The following NUP155 variants were observed in gnomAD, a reference collection of about 807,000 sequenced individuals.
NUP155 encodes nucleoporin 155.
In NUP155, 71 loss-of-function variants were observed where a neutral mutation model predicts 180.4. The observed-to-expected ratio is 0.39, with a 90% confidence interval of 0.33 to 0.48. The LOEUF is 0.48. NUP155 is among the 20% of genes least tolerant of loss of function. The probability of loss-of-function intolerance (pLI) is 0.91; values close to 1 mark genes in which losing one functional copy is unlikely to be tolerated. For missense variants in NUP155, 1,553 were observed against 1,648.9 expected (o/e 0.94, Z 1.01); for synonymous variants, 582 against 559.5 (o/e 1.04, Z -0.57).
Position 37,351,236 on chromosome 5 carries a change from A to G in NUP155, c.677T>C (p.Ile226Thr). 2 of 1,613,996 alleles carry G rather than the reference A, an allele frequency of 1.2e-6. No homozygotes were observed. Among genetic ancestry groups the G allele is most frequent in the Non-Finnish European group, 1.7e-6 (2 of 1,179,934 alleles). ...ACAGCCATCCTTTCCAGCCAAGAAAATTCTGCCATTATCAGTGGAAGTTAT... is the reference window on the plus strand; with the variant it reads ...ACAGCCATCCTTTCCAGCCAAGAAAGTTCTGCCATTATCAGTGGAAGTTAT... ...LTITSTDNGR[I>T]FLAGKDGCLY... is the part of the protein sequence containing the mutation. Residue 226 changes from isoleucine to threonine, a missense_variant, in exon 6 of 35, where the codon ATT (isoleucine) becomes ACT (threonine). By Grantham distance (89) the Ile-to-Thr change is moderately conservative. Coordinates refer to ENST00000231498, the MANE Select transcript of NUP155 (RefSeq NM_153485.3).
In NUP155 at chr5:37,303,369, C is replaced by T; in HGVS notation, c.3208G>A (p.Val1070Ile). The change falls in exon 28 of 35, where the codon GTT (valine) becomes ATT (isoleucine). Residue 1070 changes from valine (V) to isoleucine (I), a missense_variant. Coordinates refer to ENST00000231498, the MANE Select transcript of NUP155 (RefSeq NM_153485.3). ...LEPHLVRMAK[V>I]DQNRVRYMDL... is the part of the protein sequence containing the mutation. ...ATATAACGAACTCTGTTTTGATCAACTTTGGCCATTCGGACTAGATGTGGC... is the reference window on the plus strand; with the variant it reads ...ATATAACGAACTCTGTTTTGATCAATTTTGGCCATTCGGACTAGATGTGGC... 1 of 1,614,122 alleles carries T rather than the reference C, an allele frequency of 6.2e-7. No individual in the cohort carries two copies. The highest frequency in any genetic ancestry group is 8.5e-7 in the Non-Finnish European group (1 of 1,179,982).
In NUP155 at chr5:37,327,753, T is replaced by G. The variant is rs769808577; in HGVS notation, c.1900A>C (p.Thr634Pro). The change falls in exon 18 of 35, where the codon ACT becomes CCT. Residue 634 changes from threonine to proline, a missense_variant. Physicochemically the swap from Thr to Pro is conservative, Grantham distance 38. Transcript: ENST00000231498. The part of the protein sequence containing the change: ...SHGIQPPAMS[T>P]PVCALGNPAT... ...GGGTTTCCCAGAGCACACACTGGAGTTGACATGGCAGGAGGCTGTATACCT... is the reference window on the plus strand; with the variant it reads ...GGGTTTCCCAGAGCACACACTGGAGGTGACATGGCAGGAGGCTGTATACCT... 1.9e-6 allele frequency: 3 copies of G among 1,613,914 alleles called. No homozygotes were observed. The highest frequency in any genetic ancestry group is 2.5e-6 in the Non-Finnish European group (3 of 1,180,004).
rs547462799 is a variant in NUP155, at chr5:37,326,477, T to C, written c.2025-510A>G. On this transcript the variant is annotated intron_variant, in intron 18 of 34. Transcript: ENST00000231498. ...CTGAGTTGGCCCTGTGACTTCCCTC[T>C]GGCCAAGTGAATAAGGCGGAAAAGT... Among the ~76,000 whole-genome samples the C allele has an allele frequency of 3.3e-5, 5 of 152,326 alleles. No individual in the cohort carries two copies. The South Asian group carries it at 1.0e-3, about 32-fold the overall frequency.
chr5:37,295,850 G>GC (rs1244669188), intron 32 of NUP155, among the ~76,000 whole-genome samples: 1 of 150,254 alleles, frequency 6.7e-6, no homozygotes, highest in African/African-American at 2.5e-5. Flanking sequence ...CCTCCGCCCG[G>GC]CAGCCACCCC....
At chr5:37,296,779 A>G (rs898730660) in intron 32 of NUP155, among the ~76,000 whole-genome samples, 5 of 152,242 alleles carry the variant, frequency 3.3e-5, no homozygotes, top group African/African-American at 1.2e-4. Context: ...CAGAAATATT[A>G]AATGTGTTTT....
At chr5:37,324,447 AC>A (rs1744450353) in intron 19 of NUP155, among the ~76,000 whole-genome samples, 2 of 152,066 alleles carry the variant, frequency 1.3e-5, no homozygotes, top group African/African-American at 2.4e-5. Context: ...TGAGGTAACT[AC>A]TTTTCTTACT....
At chr5:37,337,045 C>T (rs125682) in intron 12 of NUP155, among the ~76,000 whole-genome samples, 77,425 of 151,914 alleles carry the variant, frequency 0.51, 22,530 homozygotes, top group African/African-American at 0.81. Flanking sequence ...CAGGACTATT[C>T]AGGAGGACAG....
chr5:37,364,082 AT>A, intron 2 of NUP155, 98 bp from the exon 3 acceptor site: 1 of 1,139,364 alleles, frequency 8.8e-7, no homozygotes, highest in Non-Finnish European at 1.3e-6. Flanking sequence ...AAAAATCACA[AT>A]GTGTCCACTC....
intron 26 of NUP155, 38 bp from the exon 27 acceptor site, chr5:37,304,881 G>A (rs1483942216): frequency 9.5e-6 from 15 of 1,572,462 alleles, no homozygotes; most frequent in Non-Finnish European, 1.3e-5. Flanking sequence ...GCAGTTAAAG[G>A]CTCTGTTTCT....
intron 5 of NUP155, 133 bp from the exon 6 acceptor site, chr5:37,351,489 C>A: frequency 1.6e-6 from 1 of 637,392 alleles, no homozygotes; most frequent in South Asian, 1.9e-5. Flanking sequence ...ACTCTGTCAC[C>A]CAGGCTGGGT....
chr5:37,335,397 A>AAG (rs1745263328), intron 12 of NUP155, among the ~76,000 whole-genome samples: 1 of 144,876 alleles, frequency 6.9e-6, no homozygotes, highest in African/African-American at 2.5e-5. Flanking sequence ...AAAAAAAAAA[A>AAG]GTATTTTAAT....
At chr5:37,295,044 C>T (rs1465813296) in intron 32 of NUP155, among the ~76,000 whole-genome samples, 1 of 152,040 alleles carries the variant, frequency 6.6e-6, no homozygotes, top group Non-Finnish European at 1.5e-5. Context: ...GGTTTCCTGT[C>T]CCTGTCCCTC....
intron 12 of NUP155, among the ~76,000 whole-genome samples, chr5:37,337,198 A>ATAT (rs1745387424): frequency 6.6e-6 from 1 of 152,198 alleles, no homozygotes; most frequent in South Asian, 2.1e-4. Context: ...CAGGAAGACC[A>ATAT]TATCCACTTC....
intron 22 of NUP155, among the ~76,000 whole-genome samples, chr5:37,312,042 A>C (rs59842820): frequency 6.6e-6 from 1 of 152,036 alleles, no homozygotes; most frequent in African/African-American, 2.4e-5. Flanking sequence ...AAAACAAACA[A>C]ACAAATAAAT....
At chr5:37,295,194 G>C (rs1432205342) in intron 32 of NUP155, among the ~76,000 whole-genome samples, 1 of 152,124 alleles carries the variant, frequency 6.6e-6, no homozygotes, top group Non-Finnish European at 1.5e-5. Flanking sequence ...TTGCAGGTGC[G>C]CGCCGCCACG....
chr5:37,358,164 G>A lies in NUP155; in HGVS notation c.393-13C>T, dbSNP rs1245595122. 1 of 1,594,698 alleles carries A rather than the reference G, an allele frequency of 6.3e-7. No individual in the cohort carries two copies. The highest frequency in any genetic ancestry group is 8.6e-7 in the Non-Finnish European group (1 of 1,162,676). On this transcript the variant is annotated splice_polypyrimidine_tract_variant and intron_variant, in intron 3 of 34. Transcript: ENST00000231498. ...GGCAAGGTCTCCTCTGTGAATAAAT[G>A]AAGAAAAACATGTTACACATATAAA...
intron 9 of NUP155, among the ~76,000 whole-genome samples, chr5:37,344,861 G>C (rs1470332086): frequency 2.1e-5 from 3 of 142,764 alleles, no homozygotes; most frequent in Non-Finnish European, 4.5e-5. Flanking sequence ...GACAGAGCAA[G>C]ACTCCATCTC....
intron 4 of NUP155, among the ~76,000 whole-genome samples, chr5:37,354,869 A>G (rs1016245212): frequency 6.6e-6 from 1 of 151,990 alleles, no homozygotes; most frequent in Non-Finnish European, 1.5e-5. Context: ...AGACGGGCGG[A>G]TCACTTGAGG....
intron 4 of NUP155, 46 bp downstream of exon 4, chr5:37,358,035 T>C (rs1438359366): frequency 7.6e-7 from 1 of 1,313,270 alleles, no homozygotes; most frequent in Non-Finnish European, 1.1e-6. Context: ...CCATTTGGAG[T>C]TTACATATAC....
Sources: allele counts gnomAD v4.1 joint callset (sites outside exome capture counted in the v4.1 genomes callset), GRCh38; gene constraint gnomAD v4.1.1; transcripts MANE v1.5; gene names NCBI Gene and HGNC (gene_info 2026-07-23, HGNC 2026-07-21).